C7orf78: variants seen among roughly 807,000 people sequenced by gnomAD.
The protein encoded by C7orf78 is chromosome 7 open reading frame 78.
At chr7:12,520,370 T>A in the C7orf78 span, among the ~76,000 whole-genome samples, 1 of 152,238 alleles carries the variant, frequency 6.6e-6, no homozygotes, top group Non-Finnish European at 1.5e-5. Context: ...ATGCGGATAT[T>A]TATTGCTGTA....
the C7orf78 span, among the ~76,000 whole-genome samples, chr7:12,497,036 T>A: frequency 6.6e-6 from 1 of 152,180 alleles, no homozygotes; most frequent in African/African-American, 2.4e-5. Context: ...AATGAACAGT[T>A]AAAAGAAAGA....
the C7orf78 span, among the ~76,000 whole-genome samples, chr7:12,521,663 C>A: frequency 4.6e-5 from 3 of 64,878 alleles, no homozygotes; most frequent in African/African-American, 1.3e-4. Flanking sequence ...TTTTTTTTGG[C>A]TTAGCTTTCA....
the C7orf78 span, among the ~76,000 whole-genome samples, chr7:12,518,754 G>C: frequency 5.3e-5 from 8 of 152,094 alleles, no homozygotes; most frequent in African/African-American, 1.9e-4. Flanking sequence ...ATAGGCTGTA[G>C]TAGGCAGGTT....
At chr7:12,487,413 C>G in the C7orf78 span, among the ~76,000 whole-genome samples, 1 of 152,026 alleles carries the variant, frequency 6.6e-6, no homozygotes, top group South Asian at 2.1e-4. Context: ...ATGTTCACGG[C>G]CTTCAAAATG....
chr7:12,492,660 T>C, the C7orf78 span, among the ~76,000 whole-genome samples: 116 of 152,330 alleles, frequency 7.6e-4, 1 homozygote, highest in South Asian at 2.7e-3. Context: ...AGGAGGTTGC[T>C]GACAGCCAAA....
the C7orf78 span, among the ~76,000 whole-genome samples, chr7:12,514,698 G>A: frequency 7.7e-3 from 1,165 of 151,814 alleles, 29 homozygotes; most frequent in African/African-American, 0.026. Context: ...TCTCTTCCTC[G>A]TTTGTGTGTT....
chr7:12,515,241 G>A, the C7orf78 span, among the ~76,000 whole-genome samples: 1 of 152,148 alleles, frequency 6.6e-6, no homozygotes, highest in Admixed American at 6.5e-5. Context: ...CACAGAGGCA[G>A]TTTCCCCCAT....
chr7:12,500,177 A>C, the C7orf78 span, among the ~76,000 whole-genome samples: 3 of 150,316 alleles, frequency 2.0e-5, no homozygotes, highest in Non-Finnish European at 4.4e-5. Flanking sequence ...AGAACTAGAA[A>C]AGCAAGAGCA....
At chr7:12,525,533 C>T in the C7orf78 span, among the ~76,000 whole-genome samples, 5 of 152,112 alleles carry the variant, frequency 3.3e-5, no homozygotes, top group East Asian at 9.7e-4. Flanking sequence ...GAATAGACTC[C>T]CTTAATTCCA....
At chr7:12,519,537 A>G in the C7orf78 span, among the ~76,000 whole-genome samples, 3 of 152,198 alleles carry the variant, frequency 2.0e-5, no homozygotes, top group Non-Finnish European at 4.4e-5. Context: ...GGCACTGTGC[A>G]CATGTAGAGG....
the C7orf78 span, among the ~76,000 whole-genome samples, chr7:12,536,309 C>G: frequency 6.6e-6 from 1 of 152,132 alleles, no homozygotes; most frequent in Non-Finnish European, 1.5e-5. Flanking sequence ...GTGGAAGTTG[C>G]CAAGGCTTGA....
chr7:12,535,101 A>G, the C7orf78 span, among the ~76,000 whole-genome samples: 1 of 152,242 alleles, frequency 6.6e-6, no homozygotes, highest in Non-Finnish European at 1.5e-5. Flanking sequence ...GGAAATATGC[A>G]GTAAGATGCA....
the C7orf78 span, chr7:12,541,749 C>T: frequency 2.0e-5 from 3 of 151,978 alleles, no homozygotes; most frequent in Non-Finnish European, 2.9e-5. Context: ...AAATAATCAA[C>T]ATTTATTTAG....
chr7:12,535,261 A>G, the C7orf78 span, among the ~76,000 whole-genome samples: 1 of 152,228 alleles, frequency 6.6e-6, no homozygotes, highest in East Asian at 1.9e-4. Flanking sequence ...TTGGACTTAC[A>G]GTTCCACATG....
chr7:12,516,766 A>G, the C7orf78 span, among the ~76,000 whole-genome samples: 64 of 152,278 alleles, frequency 4.2e-4, no homozygotes, highest in African/African-American at 1.5e-3. Flanking sequence ...GACTGCCCAG[A>G]TGGATTTCAG....
chr7:12,485,014 C>T, the C7orf78 span, among the ~76,000 whole-genome samples: 2 of 152,116 alleles, frequency 1.3e-5, no homozygotes, highest in African/African-American at 2.4e-5. Context: ...TTGGATTAAG[C>T]GGTCCAAAGG....
At chr7:12,520,778 A>G in the C7orf78 span, among the ~76,000 whole-genome samples, 1 of 152,104 alleles carries the variant, frequency 6.6e-6, no homozygotes, top group Non-Finnish European at 1.5e-5. Flanking sequence ...ATACTTCTTC[A>G]TGGATTTTGT....
chr7:12,505,775 CA>C, the C7orf78 span, among the ~76,000 whole-genome samples: 2 of 151,948 alleles, frequency 1.3e-5, no homozygotes, highest in Non-Finnish European at 2.9e-5. Flanking sequence ...AACTATGGTG[CA>C]CTATTTCATT....
At chr7:12,538,797 C>T in the C7orf78 span, among the ~76,000 whole-genome samples, 1,668 of 152,244 alleles carry the variant, frequency 0.011, 16 homozygotes, top group East Asian at 0.031. Flanking sequence ...TTCCCCTTTC[C>T]CTCACGTTGC....
Sources: gnomAD v4.1 joint callset for allele counts (sites outside exome capture counted in the v4.1 genomes callset) on GRCh38, gnomAD v4.1.1 for gene constraint, MANE v1.5 for transcripts, NCBI Gene and HGNC (gene_info 2026-07-23, HGNC 2026-07-21) for gene names.